Variants in ACOT7 observed in about 807,000 individuals in gnomAD.
ACOT7 encodes cytosolic acyl coenzyme A thioester hydrolase.
Under a neutral mutation model 40.2 loss-of-function variants are expected in ACOT7, and 12 were observed. The ratio of observed to expected loss-of-function variants is 0.30; its 90% confidence interval spans 0.19 to 0.48. The LOEUF is 0.48. ACOT7 is among the 20% of genes least tolerant of loss of function. The pLI, the probability that ACOT7 is intolerant of heterozygous loss-of-function variation, is 0.99. For synonymous variants in ACOT7, 228 were observed against 219.5 expected (o/e 1.04, Z -0.34); for missense variants, 395 against 530.8 (o/e 0.74, Z 2.51).
In ACOT7 at chr1:6,359,495, A is replaced by T. The variant is rs1427501741; in HGVS notation, c.144-9629T>A. ...CTTCCCCCAACCCCTGCTTCAGAGG[A>T]TGCCATGCCTGTCTTGGGGCTCAGC... On this transcript the variant is annotated intron_variant, in intron 1 of 8. Transcript: ENST00000361521. The surrounding 1 kb of genome is among the most constrained non-coding windows in gnomAD (Gnocchi z 4.1). Among the ~76,000 whole-genome samples, 3 of 146,842 alleles carry T rather than the reference A, an allele frequency of 2.0e-5. No homozygotes were observed. Among genetic ancestry groups the T allele is most frequent in the African/African-American group, 7.6e-5 (3 of 39,570 alleles).
Position 6,349,817 on chromosome 1 carries a change from TC to T in ACOT7, c.192del (p.Thr65ProfsTer3). The T allele has an allele frequency of 3.1e-6, 5 of 1,613,958 alleles. No homozygotes were observed. The highest frequency in any genetic ancestry group is 4.2e-6 in the Non-Finnish European group (5 of 1,179,990). On this transcript the variant is annotated frameshift_variant, in exon 2 of 9. Transcript: ENST00000361521. LOFTEE classifies it high-confidence loss of function. ...GCCTCCTCGATCATCTTCAGGATGG[TC>T]CCCCCGTGGACATTGCCGGCCACGT... ...DANVAGNVHG[G>X]TILKMIEEAG...
intron 6 of ACOT7, among the ~76,000 whole-genome samples, chr1:6,302,493 G>A (rs1239030876): frequency 6.6e-6 from 1 of 152,014 alleles, no homozygotes; most frequent in Non-Finnish European, 1.5e-5. Flanking sequence ...CGAGAAGACG[G>A]ACCTGGCGAA....
At chr1:6,318,315 C>CA in intron 6 of ACOT7, among the ~76,000 whole-genome samples, 177 bp downstream of exon 6, 1 of 152,374 alleles carries the variant, frequency 6.6e-6, no homozygotes, top group East Asian at 1.9e-4. Flanking sequence ...CTCCATCTCC[C>CA]AAAGTGCTGG....
intron 5 of ACOT7, among the ~76,000 whole-genome samples, chr1:6,325,775 G>A (rs767786936): frequency 4.6e-5 from 7 of 152,180 alleles, no homozygotes; most frequent in South Asian, 2.1e-4. Context: ...TCATCTGTGC[G>A]CCCACTGGGT....
chr1:6,350,417 G>A (rs879490389), intron 1 of ACOT7, among the ~76,000 whole-genome samples: 15 of 152,256 alleles, frequency 9.9e-5, no homozygotes, highest in Non-Finnish European at 5.9e-5. Context: ...GGTCCCGGGG[G>A]CAGTGTGGAA....
chr1:6,360,788 C>T (rs1263879005), intron 1 of ACOT7: 4 of 1,492,180 alleles, frequency 2.7e-6, no homozygotes, highest in Non-Finnish European at 3.6e-6. Context: ...CCTCCCTAAG[C>T]AACCCTTCCA....
chr1:6,379,118 T>A (rs932166117), intron 1 of ACOT7, among the ~76,000 whole-genome samples: 5 of 151,830 alleles, frequency 3.3e-5, no homozygotes, highest in Non-Finnish European at 5.9e-5. Flanking sequence ...ATGGTCCCGA[T>A]CTCCTGACTT....
chr1:6,389,769 C>T (rs540035281), intron 1 of ACOT7, among the ~76,000 whole-genome samples: 1 of 145,510 alleles, frequency 6.9e-6, no homozygotes, highest in African/African-American at 2.6e-5. Context: ...GGCAAGACTC[C>T]CTCTCAAAAA....
chr1:6,387,213 C>A (rs1013764656), intron 1 of ACOT7, among the ~76,000 whole-genome samples: 12 of 152,106 alleles, frequency 7.9e-5, no homozygotes, highest in Middle Eastern at 3.4e-3. Context: ...AAATATTCGA[C>A]ATCACAACTG....
intron 3 of ACOT7, among the ~76,000 whole-genome samples, chr1:6,334,867 G>T (rs1378051450): frequency 6.6e-6 from 1 of 152,236 alleles, no homozygotes; most frequent in Admixed American, 6.5e-5. Flanking sequence ...AGTCATTTCA[G>T]AGAAGTATCT....
In ACOT7 at chr1:6,306,176, G is replaced by T. The variant is rs1016905107; in HGVS notation, c.713-11196C>A. 4.5e-6 allele frequency: 4 copies of T among 898,436 alleles called. No individual in the cohort carries two copies. In the African/African-American group the frequency reaches 7.8e-5, roughly 17 times the overall value. 55.7% of individuals were successfully genotyped at this position (898,436 alleles called of 1,614,324 possible). A position where few individuals can be genotyped will look rare whatever the true frequency, so the allele number is the denominator to read the frequency against. On this transcript the variant is annotated intron_variant, in intron 6 of 8. Coordinates refer to ENST00000361521, the MANE Select transcript of ACOT7 (RefSeq NM_007274.4). This position sits in a 1 kb window ranked among gnomAD's most constrained non-coding sequence, Gnocchi z 4.3. ...TTCGGCTCGGCATCAGAGGGAGACCGTGGCAAGAGAGGGAGAGGGAGACCG... is the reference window on the plus strand; with the variant it reads ...TTCGGCTCGGCATCAGAGGGAGACCTTGGCAAGAGAGGGAGAGGGAGACCG...
At chr1:6,284,893 A>C (rs572702004) in intron 7 of ACOT7, among the ~76,000 whole-genome samples, 1 of 152,152 alleles carries the variant, frequency 6.6e-6, no homozygotes, top group Non-Finnish European at 1.5e-5. Context: ...CTCCTCTTAC[A>C]GCTATCTGGT....
chr1:6,334,439 G>C (rs1641044994), intron 3 of ACOT7, among the ~76,000 whole-genome samples: 1 of 152,254 alleles, frequency 6.6e-6, no homozygotes. Flanking sequence ...AGGCAGAGCA[G>C]CCCAGGGGAG....
chr1:6,360,800 C>T (rs914438231), intron 1 of ACOT7: 53 of 1,471,790 alleles, frequency 3.6e-5, no homozygotes, highest in Non-Finnish European at 4.5e-5. Context: ...ACCCTTCCAG[C>T]TGGTCCCAGT....
intron 3 of ACOT7, among the ~76,000 whole-genome samples, chr1:6,334,296 C>T (rs571293013): frequency 2.0e-5 from 3 of 152,372 alleles, no homozygotes; most frequent in Non-Finnish European, 4.4e-5. Flanking sequence ...AGACACGCAA[C>T]GTCTTCTGCA....
intron 1 of ACOT7, among the ~76,000 whole-genome samples, chr1:6,383,355 TTTTTTGTA>T (rs1403984829): frequency 1.3e-5 from 2 of 150,418 alleles, no homozygotes; most frequent in Non-Finnish European, 3.0e-5. Context: ...GCCTGGCTAA[TTTTTTGTA>T]TTTTTAGTAG....
chr1:6,283,322 C>T (rs576172028), intron 7 of ACOT7, among the ~76,000 whole-genome samples: 14 of 152,156 alleles, frequency 9.2e-5, no homozygotes, highest in Non-Finnish European at 1.8e-4. Context: ...CCACCATGCA[C>T]GGCTGATTTT....
chr1:6,269,740 C>A (rs1638970630), intron 8 of ACOT7, among the ~76,000 whole-genome samples: 1 of 152,238 alleles, frequency 6.6e-6, no homozygotes, highest in Non-Finnish European at 1.5e-5. Context: ...TGTGTGGGAG[C>A]CTGAGAGCCT....
At position 6,264,649 on chromosome 1, in the gene ACOT7, C is replaced by T. The variant is rs756883014; in HGVS notation, c.1061G>A (p.Arg354Gln). 6.2e-6 allele frequency: 10 copies of T among 1,613,464 alleles called. No individual in the cohort carries two copies. Among genetic ancestry groups the T allele is most frequent in the Non-Finnish European group, 8.5e-6 (10 of 1,179,962 alleles). The stretch of plus-strand genomic sequence containing the variant: ...TCGCTTCGCCTTCATCTGCAGGTAC[C>T]GCCCTTTGCCTTCCTCAAAGCGCTT... ...EKKRFEEGKG[R>Q]YLQMKAKRQG... The change falls in exon 9 of 9, where the codon CGG (arginine) becomes CAG (glutamine). Residue 354 changes from arginine to glutamine, a missense_variant. Arg to Gln is a conservative substitution (Grantham distance 43). This residue lies in a region of ACOT7 where 309 missense variants were observed against 470.3 expected (regional missense o/e 0.66). Transcript: ENST00000361521.
Sources: gnomAD v4.1 joint callset for allele counts (sites outside exome capture counted in the v4.1 genomes callset) on GRCh38, gnomAD v4.1.1 for gene constraint, gnomAD v4.1.1 regional missense constraint, Gnocchi (gnomAD v3.1) non-coding constraint, MANE v1.5 for transcripts, NCBI Gene and HGNC (gene_info 2026-07-23, HGNC 2026-07-21) for gene names.